The following TUBB8 variants were observed in gnomAD, a reference collection of about 807,000 sequenced individuals.
The protein encoded by TUBB8 is tubulin beta-8 chain.
In TUBB8, 25 loss-of-function variants were observed where a neutral mutation model predicts 33.7. That is an observed-to-expected ratio of 0.74 (90% CI 0.54 to 1.04). The LOEUF (loss-of-function observed/expected upper bound fraction) is 1.04, where lower values mean the gene tolerates loss of function less well. Among genes scored for constraint, TUBB8 ranks in the 50% least tolerant of loss-of-function variants. The pLI, the probability that TUBB8 is intolerant of heterozygous loss-of-function variation, is 0.00. For missense variants in TUBB8, 279 were observed against 608.0 expected, an observed-to-expected ratio of 0.46 and a Z score of 5.69; for synonymous variants, 245 against 240.1, an observed-to-expected ratio of 1.02 and a Z score of -0.19.
chr10:46,690 G>C (rs1318694373), downstream of TUBB8, among the ~76,000 whole-genome samples: 1 of 152,026 alleles, frequency 6.6e-6, no homozygotes, highest in Admixed American at 6.6e-5. Flanking sequence ...CCACGTCACT[G>C]CCCAAGGCCC....
intron 1 of TUBB8, among the ~76,000 whole-genome samples, chr10:63,890 T>C (rs530721618): frequency 6.6e-6 from 1 of 152,334 alleles, no homozygotes; most frequent in African/African-American, 2.4e-5. Flanking sequence ...TCAGTCTTTA[T>C]TGTAGTCTTC....
intron 1 of TUBB8, among the ~76,000 whole-genome samples, chr10:56,401 G>A (rs1554740167): frequency 6.6e-6 from 1 of 152,144 alleles, no homozygotes; most frequent in Non-Finnish European, 1.5e-5. Flanking sequence ...TCACATTGCT[G>A]TAAAAATAAT....
rs140792516 is a variant in TUBB8, at chr10:48,659, G to C, written c.233C>G (p.Ser78Trp). ...CCTGAAGACCTGCCCGAAGGGCCCC[G>C]AGCGCACAGAGTCCATGGTGCCCGG... is the stretch of plus-strand genomic sequence containing the variant. The part of the protein sequence containing the change: ...LEPGTMDSVR[S>W]GPFGQVFRPD... Residue 78 changes from serine (S) to tryptophan (W), a missense_variant, in exon 3 of 4, where the codon TCG becomes TGG. Coordinates refer to ENST00000568584, the MANE Select transcript of TUBB8 (RefSeq NM_177987.3). 90 of 1,612,170 alleles carry C rather than the reference G, an allele frequency of 5.6e-5. No homozygotes were observed. In the African/African-American group the frequency reaches 1.0e-3, roughly 18 times the overall value.
At chr10:52,728 T>C (rs1230469829), upstream of TUBB8, among the ~76,000 whole-genome samples, 1,346 of 151,210 alleles carry the variant, frequency 8.9e-3, no homozygotes, top group African/African-American at 0.031. Context: ...ATGTCTTGTA[T>C]GGCCATAAAT....
At position 47,024 on chromosome 10, in the gene TUBB8, C is replaced by T. The variant is rs782634828; in HGVS notation, c.*33G>A. The stretch of plus-strand genomic sequence containing the variant: ...GTCAGAACACAGTAAAGAATCCACA[C>T]TGCTTCCCCCCTTTACCTAGAAAAG... On this transcript the variant is annotated 3_prime_UTR_variant, in exon 4 of 4. Coordinates refer to ENST00000568584, the MANE Select transcript of TUBB8 (RefSeq NM_177987.3). The T allele has an allele frequency of 4.2e-6, 3 of 715,070 alleles. No homozygotes were observed. The Admixed American group carries it at 7.0e-5, about 17-fold the overall frequency. 44.3% of individuals were successfully genotyped at this position (715,070 alleles called of 1,614,324 possible). A position where few individuals can be genotyped will look rare whatever the true frequency, so the allele number is the denominator to read the frequency against.
At chr10:72,182 G>A (rs1554742405) in intron 1 of TUBB8, among the ~76,000 whole-genome samples, 2 of 151,346 alleles carry the variant, frequency 1.3e-5, no homozygotes, top group Admixed American at 6.6e-5. Context: ...CCAAGATCGG[G>A]ACATTGCACT....
In TUBB8 at chr10:48,865, G is replaced by A; in HGVS notation, c.105C>T (p.Thr35=). Residue 35 remains threonine, a synonymous_variant, in exon 2 of 4, where the codon ACC becomes ACT. Transcript: ENST00000568584. ...SDEHAIDSAG[T]YHGDSHLQLE... ...GCTGCAGGTGGCTGTCCCCGTGGTAGGTGCCAGCGGAGTCGATGGCATGTT... is the reference window on the plus strand; with the variant it reads ...GCTGCAGGTGGCTGTCCCCGTGGTAAGTGCCAGCGGAGTCGATGGCATGTT... The A allele has an allele frequency of 1.9e-6, 3 of 1,587,912 alleles. No homozygotes were observed. The highest frequency in any genetic ancestry group is 2.6e-6 in the Non-Finnish European group (3 of 1,168,926).
intron 1 of TUBB8, among the ~76,000 whole-genome samples, chr10:65,838 A>C (rs9971257): frequency 7.9e-5 from 12 of 152,114 alleles, no homozygotes; most frequent in African/African-American, 2.7e-4. Flanking sequence ...TTCTCAGAAA[A>C]TCAAGCTGGT....
chr10:61,303 CTA>C (rs1232052508), intron 1 of TUBB8, among the ~76,000 whole-genome samples: 8 of 152,112 alleles, frequency 5.3e-5, no homozygotes, highest in South Asian at 4.2e-4. Context: ...TTTTGCTATG[CTA>C]TGTTTCTATT....
At chr10:76,378 AAGTGAAGT>A (rs1834814641), upstream of TUBB8, among the ~76,000 whole-genome samples, 8 of 152,214 alleles carry the variant, frequency 5.3e-5, no homozygotes, top group African/African-American at 1.9e-4. Context: ...CGCTCGTACA[AAGTGAAGT>A]CTGGGTACAA....
At chr10:48,332 C>T (rs1362674031) in intron 3 of TUBB8, 7 of 638,346 alleles carry the variant, frequency 1.1e-5, no homozygotes, top group South Asian at 7.5e-5. Flanking sequence ...TCACAGACCT[C>T]GCTGCAGGTG....
chr10:47,707 C>A lies in TUBB8; in HGVS notation c.685G>T (p.Val229Leu). Residue 229 changes from valine to leucine, a missense_variant, in exon 4 of 4, where the codon GTG (valine) becomes TTG (leucine). This residue lies in a region of TUBB8 where 96 missense variants were observed against 233.7 expected (regional missense o/e 0.41). Transcript: ENST00000568584. ...TPTYGDLNHL[V>L]SATMSGVTTC... is the part of the protein sequence containing the mutation. ...GTGACCCCACTCATGGTAGCAGACA[C>A]CAGGTGGTTCAGGTCACCATAGGTG... 2 of 1,612,586 alleles carry A rather than the reference C, an allele frequency of 1.2e-6. No homozygotes were observed. The highest frequency in any genetic ancestry group is 1.7e-6 in the Non-Finnish European group (2 of 1,180,002).
At chr10:64,094 C>A (rs1554741256) in intron 1 of TUBB8, among the ~76,000 whole-genome samples, 1 of 152,094 alleles carries the variant, frequency 6.6e-6, no homozygotes, top group African/African-American at 2.4e-5. Context: ...TTCTCTGAAA[C>A]CAGCAGAGTC....
intron 1 of TUBB8, among the ~76,000 whole-genome samples, chr10:60,170 T>C (rs1203410302): frequency 3.3e-5 from 5 of 152,142 alleles, no homozygotes; most frequent in Non-Finnish European, 7.4e-5. Flanking sequence ...GGCCTTTTTA[T>C]TCTAGTGAAT....
At chr10:75,864 C>A (rs1374726738), upstream of TUBB8, among the ~76,000 whole-genome samples, 2 of 151,986 alleles carry the variant, frequency 1.3e-5, no homozygotes, top group Admixed American at 6.6e-5. Flanking sequence ...ACTGGCCAGG[C>A]GAGATGGCTC....
At position 47,751 on chromosome 10, in the gene TUBB8, G is replaced by A. The variant is rs782312790; in HGVS notation, c.641C>T (p.Thr214Ile). The A allele has an allele frequency of 1.2e-6, 2 of 1,613,726 alleles. No individual in the cohort carries two copies. Among genetic ancestry groups the A allele is most frequent in the South Asian group, 1.1e-5 (1 of 91,066 alleles). Residue 214 changes from threonine to isoleucine, a missense_variant, in exon 4 of 4, where the codon ACC becomes ATC. Around this residue, in one of 4 missense-constraint regions of TUBB8, gnomAD observed 96 missense variants for 233.7 expected, o/e 0.41. Coordinates refer to ENST00000568584, the MANE Select transcript of TUBB8 (RefSeq NM_177987.3). ...ATAGGTGGGTGTGGGCAGTTTTAGG[G>A]TCTTGGAACATATGTCATACAGAGC... ...NEALYDICSK[T>I]LKLPTPTYGD...
At chr10:69,510 T>C (rs1408491044) in intron 1 of TUBB8, among the ~76,000 whole-genome samples, 4 of 151,996 alleles carry the variant, frequency 2.6e-5, no homozygotes, top group African/African-American at 4.8e-5. Flanking sequence ...CCGCAATTTG[T>C]AGATCAAGGA....
At chr10:52,694 T>A (rs1834483770), upstream of TUBB8, among the ~76,000 whole-genome samples, 1 of 152,276 alleles carries the variant, frequency 6.6e-6, no homozygotes, top group South Asian at 2.1e-4. Context: ...AGGACATTTA[T>A]ACATTTTTCA....
chr10:50,490 G>T (rs1183351983), upstream of TUBB8, among the ~76,000 whole-genome samples: 1 of 152,110 alleles, frequency 6.6e-6, no homozygotes, highest in Non-Finnish European at 1.5e-5. Context: ...AGGGGCCTTG[G>T]CTGTGGCATC....
Sources: allele counts gnomAD v4.1 joint callset (sites outside exome capture counted in the v4.1 genomes callset), GRCh38; gene constraint gnomAD v4.1.1; regional missense constraint gnomAD v4.1.1; transcripts MANE v1.5; gene names NCBI Gene and HGNC (gene_info 2026-07-23, HGNC 2026-07-21).